Variants in IDE observed in about 807,000 individuals in gnomAD.
The protein encoded by IDE is insulin-degrading enzyme.
IDE carries 58 observed loss-of-function variants against 133.2 expected under a neutral mutation model. That is an observed-to-expected ratio of 0.44 (90% CI 0.35 to 0.54). The LOEUF (loss-of-function observed/expected upper bound fraction) is 0.54. IDE is among the 20% of genes least tolerant of loss of function. The pLI, the probability that IDE is intolerant of heterozygous loss-of-function variation, is 0.00. For synonymous variants in IDE, 396 were observed against 421.3 expected, an observed-to-expected ratio of 0.94 and a Z score of 0.73; for missense variants, 981 against 1,234.0, an observed-to-expected ratio of 0.79 and a Z score of 3.07.
At chr10:92,522,614 A>G (rs1849288754) in intron 4 of IDE, among the ~76,000 whole-genome samples, 2 of 152,186 alleles carry the variant, frequency 1.3e-5, no homozygotes, top group South Asian at 4.1e-4. Flanking sequence ...CATCTCCGCT[A>G]AGATCCTGGA....
rs5787000 is a variant in IDE, at chr10:92,508,559, G to GAAAAAAAA, written c.1060+161_1060+168dup. On this transcript the variant is annotated intron_variant, in intron 7 of 24. Coordinates refer to ENST00000265986, the MANE Select transcript of IDE (RefSeq NM_004969.4). Reference sequence around the variant, plus strand: ...CGAAACCCCATCTCTATCTAAAAAAGAAAAAAAAAAAAAAAAGGCAACAGC... The same window carrying GAAAAAAAA: ...CGAAACCCCATCTCTATCTAAAAAAGAAAAAAAAAAAAAAAAAAAAAAAAGGCAACAGC... Among the ~76,000 whole-genome samples, 15 of 130,574 alleles carry GAAAAAAAA rather than the reference G, an allele frequency of 1.1e-4. 1 individual carries two copies. Among genetic ancestry groups the GAAAAAAAA allele is most frequent in the Admixed American group, 1.6e-4 (2 of 12,772 alleles). The allele number at this position is 130,574 out of a possible 152,430, so 85.7% of individuals were successfully genotyped here. A position where few individuals can be genotyped will look rare whatever the true frequency, so the allele number is the denominator to read the frequency against.
chr10:92,541,414 A>G, intron 1 of IDE: 1 of 408,190 alleles, frequency 2.4e-6, no homozygotes, highest in South Asian at 1.9e-5. Context: ...TCTACTTCAG[A>G]TCATTAGCAT....
chr10:92,510,874 A>G (rs573185144), intron 5 of IDE, among the ~76,000 whole-genome samples: 16 of 151,174 alleles, frequency 1.1e-4, no homozygotes, highest in Non-Finnish European at 1.5e-4. Flanking sequence ...TATATCACAT[A>G]CATGATATAT....
Position 92,574,029 on chromosome 10 carries a change from C to T in IDE, c.-10G>A. On this transcript the variant is annotated 5_prime_UTR_variant, in exon 1 of 25. Coordinates refer to ENST00000265986, the MANE Select transcript of IDE (RefSeq NM_004969.4). ...CTAGCCGGTACCGCATTAGCCAGCG[C>T]AGTCGCCGGGATCACCGCAAACGCT... 6.6e-7 allele frequency: 1 copy of T among 1,508,498 alleles called. No homozygotes were observed. Among genetic ancestry groups the T allele is most frequent in the Admixed American group, 2.2e-5 (1 of 46,378 alleles). The allele number at this position is 1,508,498 out of a possible 1,614,324, so 93.4% of individuals were successfully genotyped here. A position where few individuals can be genotyped will look rare whatever the true frequency, so the allele number is the denominator to read the frequency against.
chr10:92,464,479 A>T (rs1464480111), intron 20 of IDE, among the ~76,000 whole-genome samples: 3 of 152,178 alleles, frequency 2.0e-5, no homozygotes, highest in Non-Finnish European at 4.4e-5. Context: ...AACTCTCTAG[A>T]GATCAAGCTA....
At chr10:92,481,868 C>T (rs930798912) in intron 14 of IDE, among the ~76,000 whole-genome samples, 11 of 152,154 alleles carry the variant, frequency 7.2e-5, no homozygotes, top group African/African-American at 2.7e-4. Context: ...AGAAATTCAT[C>T]ATCATAGAGG....
chr10:92,468,302 T>TAC (rs1205560035), intron 19 of IDE, among the ~76,000 whole-genome samples: 6 of 152,208 alleles, frequency 3.9e-5, no homozygotes, highest in Non-Finnish European at 8.8e-5. Flanking sequence ...TCATTTAATA[T>TAC]ACCTTCTATT....
intron 11 of IDE, among the ~76,000 whole-genome samples, chr10:92,499,517 C>A (rs1847896575): frequency 6.6e-6 from 1 of 152,110 alleles, no homozygotes; most frequent in African/African-American, 2.4e-5. Context: ...ACTGCAACCT[C>A]CACCTCCTGG....
intron 1 of IDE, among the ~76,000 whole-genome samples, chr10:92,553,438 AG>A (rs1199266453): frequency 1.3e-5 from 2 of 151,976 alleles, no homozygotes; most frequent in Non-Finnish European, 2.9e-5. Flanking sequence ...AAAAAAAAAA[AG>A]AATACCAATC....
intron 1 of IDE, among the ~76,000 whole-genome samples, chr10:92,568,719 G>C (rs1843659903): frequency 6.6e-6 from 1 of 152,096 alleles, no homozygotes; most frequent in African/African-American, 2.4e-5. Flanking sequence ...GGGAGGCTGA[G>C]GCAGGAGAAT....
intron 1 of IDE, among the ~76,000 whole-genome samples, chr10:92,546,290 T>C (rs184126684): frequency 2.8e-4 from 43 of 152,288 alleles, no homozygotes; most frequent in Middle Eastern, 3.4e-3. Context: ...GCTTTGGGGT[T>C]CCAGGTCATG....
chr10:92,572,840 AG>A (rs1843851597), intron 1 of IDE: 1 of 971,590 alleles, frequency 1.0e-6, no homozygotes, highest in African/African-American at 1.8e-5. Flanking sequence ...TTCCTTCCAA[AG>A]CCAGCCTACC....
chr10:92,463,626 A>T (rs1418358532), intron 21 of IDE, 105 bp downstream of exon 21: 1 of 1,052,802 alleles, frequency 9.5e-7, no homozygotes, highest in Non-Finnish European at 1.4e-6. Flanking sequence ...AACTCCCCAA[A>T]TAGGTAACGG....
chr10:92,509,259 A>G (rs1014602356), intron 6 of IDE, among the ~76,000 whole-genome samples: 2 of 152,200 alleles, frequency 1.3e-5, no homozygotes, highest in African/African-American at 4.8e-5. Flanking sequence ...CATGATCCTA[A>G]TAAATGTGAG....
chr10:92,534,486 A>T lies in IDE; in HGVS notation c.491+92T>A, dbSNP rs574565285. 91 of 800,526 alleles carry T rather than the reference A, an allele frequency of 1.1e-4. No individual in the cohort carries two copies. In the African/African-American group the frequency reaches 1.1e-3, roughly 10 times the overall value. The allele number at this position is 800,526 out of a possible 1,614,324, so 49.6% of individuals were successfully genotyped here. A position where few individuals can be genotyped will look rare whatever the true frequency, so the allele number is the denominator to read the frequency against. ...ACACTGTTTAAAATACCTTTTGTTAAATTATGAAGCCATCTCTGTGGAAAT... is the reference window on the plus strand; with the variant it reads ...ACACTGTTTAAAATACCTTTTGTTATATTATGAAGCCATCTCTGTGGAAAT... On this transcript the variant is annotated intron_variant, in intron 3 of 24. Coordinates refer to ENST00000265986, the MANE Select transcript of IDE (RefSeq NM_004969.4).
intron 14 of IDE, among the ~76,000 whole-genome samples, chr10:92,481,207 A>G (rs1323855148): frequency 3.3e-5 from 5 of 152,196 alleles, no homozygotes; most frequent in Admixed American, 2.0e-4. Flanking sequence ...TGGAAGTGAA[A>G]AGCCAGAAAA....
chr10:92,556,869 A>G (rs1178871574), intron 1 of IDE, among the ~76,000 whole-genome samples: 1 of 150,840 alleles, frequency 6.6e-6, no homozygotes, highest in Non-Finnish European at 1.5e-5. Context: ...GGTTGCAGTG[A>G]GCCAAGATCT....
chr10:92,474,909 A>G lies in IDE; in HGVS notation c.2048T>C (p.Met683Thr). The stretch of plus-strand genomic sequence containing the variant: ...AGTCATCAGCAAGCGGAGGTAGTAC[A>G]TGGCATGCTGGTGAGGCTGTTCAGC... The part of the protein sequence containing the change: ...FRAEQPHQHA[M>T]YYLRLLMTEV... The change falls in exon 17 of 25, where the codon ATG becomes ACG. Residue 683 changes from methionine to threonine, a missense_variant. Physicochemically the swap from Met to Thr is moderately conservative, Grantham distance 81. Around this residue, in one of 2 missense-constraint regions of IDE, gnomAD observed 660 missense variants for 894.7 expected, o/e 0.74. Transcript: ENST00000265986. 1.9e-6 allele frequency: 3 copies of G among 1,613,070 alleles called. No homozygotes were observed. Among genetic ancestry groups the G allele is most frequent in the Non-Finnish European group, 2.5e-6 (3 of 1,179,082 alleles).
chr10:92,572,941 T>C, intron 1 of IDE: 1 of 985,270 alleles, frequency 1.0e-6, no homozygotes, highest in Non-Finnish European at 1.2e-6. Context: ...TCCCGTGGCA[T>C]CCCAATCCGC....
Sources: allele counts gnomAD v4.1 joint callset (sites outside exome capture counted in the v4.1 genomes callset), GRCh38; gene constraint gnomAD v4.1.1; regional missense constraint gnomAD v4.1.1; transcripts MANE v1.5; gene names NCBI Gene and HGNC (gene_info 2026-07-23, HGNC 2026-07-21).